The following LDB2 variants were observed in gnomAD, a reference collection of about 807,000 sequenced individuals.
The protein encoded by LDB2 is LIM domain binding 2, also known as LIM domain-binding protein 2.
LDB2 carries 12 observed loss-of-function variants against 44.3 expected under a neutral mutation model. The observed-to-expected ratio is 0.27, with a 90% CI of 0.17 to 0.44. The LOEUF (loss-of-function observed/expected upper bound fraction) is 0.44, where lower values mean the gene tolerates loss of function less well. Among genes scored for constraint, LDB2 ranks in the 20% least tolerant of loss-of-function variants. The pLI is 1.00. For synonymous variants in LDB2, 164 were observed against 174.8 expected, an observed-to-expected ratio of 0.94 and a Z score of 0.49; for missense variants, 344 against 473.5, an observed-to-expected ratio of 0.73 and a Z score of 2.54.
At chr4:16,749,713 T>C (rs577068118) in intron 2 of LDB2, among the ~76,000 whole-genome samples, 1 of 152,054 alleles carries the variant, frequency 6.6e-6, no homozygotes, top group African/African-American at 2.4e-5. Context: ...TATTAAAATA[T>C]GGGAAAAACT....
chr4:16,674,299 C>T (rs1450096324), intron 2 of LDB2: 4 of 1,283,598 alleles, frequency 3.1e-6, no homozygotes, highest in Non-Finnish European at 4.1e-6. Flanking sequence ...TTTCCTCTGG[C>T]ATCTGCCGCT....
intron 5 of LDB2, among the ~76,000 whole-genome samples, chr4:16,547,305 A>G (rs1260802222): frequency 6.6e-6 from 1 of 152,178 alleles, no homozygotes; most frequent in Admixed American, 6.5e-5. Context: ...GAGGGAGCGC[A>G]GCCATTGTGA....
intron 2 of LDB2, among the ~76,000 whole-genome samples, chr4:16,740,262 A>AT (rs1489676432): frequency 6.6e-6 from 1 of 151,846 alleles, no homozygotes; most frequent in East Asian, 1.9e-4. Context: ...AGTTTCCATC[A>AT]TTTTTTCTTC....
chr4:16,834,567 G>A (rs1304131098), intron 1 of LDB2, among the ~76,000 whole-genome samples: 2 of 152,156 alleles, frequency 1.3e-5, no homozygotes, highest in Non-Finnish European at 2.9e-5. Flanking sequence ...GGTGGCTCAA[G>A]CCTGTAATCC....
intron 1 of LDB2, among the ~76,000 whole-genome samples, chr4:16,795,891 T>C (rs1403928713): frequency 6.6e-6 from 1 of 152,182 alleles, no homozygotes; most frequent in Non-Finnish European, 1.5e-5. Context: ...ACTTAGCAAA[T>C]TGGATCCCAT....
intron 2 of LDB2, among the ~76,000 whole-genome samples, chr4:16,739,905 A>G (rs1214189264): frequency 6.6e-6 from 1 of 150,984 alleles, no homozygotes; most frequent in African/African-American, 2.4e-5. Context: ...GGTACCAAGT[A>G]TATTAAAGCA....
chr4:16,653,482 T>C (rs1374096132), intron 2 of LDB2, among the ~76,000 whole-genome samples: 1 of 152,150 alleles, frequency 6.6e-6, no homozygotes, highest in Admixed American at 6.5e-5. Flanking sequence ...AAAAGTAAGG[T>C]GTTAATATTG....
chr4:16,614,273 A>G (rs750966901), intron 2 of LDB2, among the ~76,000 whole-genome samples: 1 of 152,230 alleles, frequency 6.6e-6, no homozygotes, highest in Non-Finnish European at 1.5e-5. Context: ...TTAACTCAAG[A>G]TTGATTAAAG....
At chr4:16,845,487 CAT>C (rs1042390617) in intron 1 of LDB2, among the ~76,000 whole-genome samples, 18 of 152,286 alleles carry the variant, frequency 1.2e-4, no homozygotes, top group Admixed American at 1.0e-3. Flanking sequence ...AGACCTGACA[CAT>C]GTTAAGTGTT....
intron 2 of LDB2, among the ~76,000 whole-genome samples, chr4:16,714,015 C>G (rs1579003403): frequency 6.6e-6 from 1 of 152,140 alleles, no homozygotes; most frequent in East Asian, 1.9e-4. Context: ...AGCTCATTCA[C>G]CGGCGAGAAG....
At chr4:16,679,258 G>C (rs1747172877) in intron 2 of LDB2, among the ~76,000 whole-genome samples, 2 of 152,038 alleles carry the variant, frequency 1.3e-5, no homozygotes, top group African/African-American at 4.8e-5. Context: ...TGATGTCAGT[G>C]TATAAAGAAA....
chr4:16,775,535 A>G (rs960641482), intron 1 of LDB2, among the ~76,000 whole-genome samples: 1 of 152,200 alleles, frequency 6.6e-6, no homozygotes, highest in Non-Finnish European at 1.5e-5. Context: ...CAGTGCCTGG[A>G]ATGCAGTAAG....
chr4:16,763,648 G>A (rs1768495669), intron 1 of LDB2, among the ~76,000 whole-genome samples: 1 of 152,204 alleles, frequency 6.6e-6, no homozygotes, highest in East Asian at 1.9e-4. Context: ...GAGGGCCCAG[G>A]GTTAATGTTA....
intron 2 of LDB2, among the ~76,000 whole-genome samples, chr4:16,710,768 G>A (rs2152659130): frequency 6.6e-6 from 1 of 152,234 alleles, no homozygotes; most frequent in Non-Finnish European, 1.5e-5. Context: ...TTAGGCCAAG[G>A]GTCATCCTTT....
intron 1 of LDB2, among the ~76,000 whole-genome samples, chr4:16,887,361 C>A (rs1002375502): frequency 2.6e-4 from 40 of 152,174 alleles, no homozygotes; most frequent in Non-Finnish European, 1.5e-5. Flanking sequence ...GATCTCATAA[C>A]CATTCCAGCC....
intron 5 of LDB2, among the ~76,000 whole-genome samples, chr4:16,555,193 G>A (rs770406233): frequency 2.8e-4 from 43 of 151,812 alleles, no homozygotes; most frequent in Non-Finnish European, 5.1e-4. Context: ...CAATTGGTCT[G>A]GGATGTGGTC....
intron 2 of LDB2, among the ~76,000 whole-genome samples, chr4:16,693,142 G>A (rs1751195665): frequency 6.6e-6 from 1 of 152,100 alleles, no homozygotes; most frequent in East Asian, 1.9e-4. Flanking sequence ...ACCATGTCCT[G>A]AGATACACAA....
chr4:16,878,683 C>A (rs1183784739), intron 1 of LDB2, among the ~76,000 whole-genome samples: 2 of 152,224 alleles, frequency 1.3e-5, no homozygotes, highest in Non-Finnish European at 2.9e-5. Flanking sequence ...GGTCTGACCC[C>A]AACCTGCATC....
rs889919241 is a variant in LDB2, at chr4:16,759,669, T to C, written c.133-409A>G. On this transcript the variant is annotated intron_variant, in intron 1 of 7. Transcript: ENST00000304523. ...TAGAAACCACAATATTACAACCAGG[T>C]TAAACATAATTTTCATACATAATTT... Among the ~76,000 whole-genome samples the C allele has an allele frequency of 3.9e-5, 6 of 152,138 alleles. No homozygotes were observed. In the East Asian group the frequency reaches 1.2e-3, roughly 29 times the overall value.
Sources: allele counts gnomAD v4.1 joint callset (sites outside exome capture counted in the v4.1 genomes callset), GRCh38; gene constraint gnomAD v4.1.1; transcripts MANE v1.5; gene names NCBI Gene and HGNC (gene_info 2026-07-23, HGNC 2026-07-21).